TOP1: variants seen among roughly 807,000 people sequenced by gnomAD.
TOP1 encodes DNA topoisomerase 1.
TOP1 carries 10 observed loss-of-function variants against 111.1 expected under a neutral mutation model. The observed-to-expected ratio is 0.09, with a 90% CI of 0.06 to 0.15. The LOEUF (loss-of-function observed/expected upper bound fraction) is 0.15, where lower values mean the gene tolerates loss of function less well. TOP1 is among the 10% of genes least tolerant of loss of function. The probability of loss-of-function intolerance (pLI) is 1.00; values close to 1 mark genes in which losing one functional copy is unlikely to be tolerated. For synonymous variants in TOP1, 271 were observed against 302.9 expected, an observed-to-expected ratio of 0.89 and a Z score of 1.10; for missense variants, 474 against 926.7, an observed-to-expected ratio of 0.51 and a Z score of 6.34.
At chr20:41,084,668 G>C in intron 8 of TOP1, 100 bp downstream of exon 8, 1 of 681,954 alleles carries the variant, frequency 1.5e-6, no homozygotes, top group Non-Finnish European at 2.3e-6. Context: ...GATATTTGGG[G>C]GGAAATACTT....
In TOP1 at chr20:41,076,147, G is replaced by A. The variant is rs375898318; in HGVS notation, c.156-24G>A. On this transcript the variant is annotated intron_variant, in intron 3 of 20. Transcript: ENST00000361337. The stretch of plus-strand genomic sequence containing the variant: ...CTTGTGGTCCCTACTCTGGGCTAAC[G>A]CTTTGTGACTTAACTTTTTACAGTG... The A allele has an allele frequency of 7.8e-4, 1,250 of 1,601,266 alleles. 17 individuals are homozygous for A. The South Asian group carries it at 0.013, about 17-fold the overall frequency.
Position 41,061,638 on chromosome 20 carries a change from G to C in TOP1, c.155+148G>C, listed in dbSNP as rs2033546560. On this transcript the variant is annotated intron_variant, in intron 3 of 20. Coordinates refer to ENST00000361337, the MANE Select transcript of TOP1 (RefSeq NM_003286.4). This position sits in a 1 kb window ranked among gnomAD's most constrained non-coding sequence, Gnocchi z 4.6. ...TTGATCCTAGAGTTGCTATGAGGAT[G>C]GCCATGATTTAGGCCTTAAATGGGA... The C allele has an allele frequency of 2.9e-6, 2 of 687,412 alleles. No individual in the cohort carries two copies. Among genetic ancestry groups the C allele is most frequent in the South Asian group, 4.3e-5 (2 of 46,760 alleles). 42.6% of individuals were successfully genotyped at this position (687,412 alleles called of 1,614,324 possible).
At chr20:41,096,109 CA>C (rs1019193513) in intron 9 of TOP1, among the ~76,000 whole-genome samples, 1 of 152,124 alleles carries the variant, frequency 6.6e-6, no homozygotes, top group African/African-American at 2.4e-5. Flanking sequence ...GTCTGTTGCC[CA>C]GGCTGAAGTG....
rs536343555 is a variant in TOP1 at position 41,083,729 on chromosome 20, A to G, written c.508-733A>G. On this transcript the variant is annotated intron_variant, in intron 7 of 20. Coordinates refer to ENST00000361337, the MANE Select transcript of TOP1 (RefSeq NM_003286.4). This position sits in a 1 kb window ranked among gnomAD's most constrained non-coding sequence, Gnocchi z 7.2. ...GACAAAGGAAAATATTCTTCAAAAG[A>G]GTTCAGATTCTGAGTGGGATCTTCA... Among the ~76,000 whole-genome samples, 2 of 152,326 alleles carry G rather than the reference A, an allele frequency of 1.3e-5. No individual in the cohort carries two copies. The highest frequency in any genetic ancestry group is 3.9e-4 in the East Asian group (2 of 5,190).
chr20:41,060,698 C>T (rs6102261), intron 2 of TOP1, among the ~76,000 whole-genome samples: 3,123 of 152,186 alleles, frequency 0.021, 101 homozygotes, highest in African/African-American at 0.07. Flanking sequence ...CCAAAATTTG[C>T]AGATGTTCAA....
chr20:41,107,177 T>G (rs2034159564), intron 13 of TOP1, among the ~76,000 whole-genome samples: 1 of 152,218 alleles, frequency 6.6e-6, no homozygotes, highest in African/African-American at 2.4e-5. Context: ...ATAGGGAAGA[T>G]TCTGGTTTCA....
chr20:41,057,750 A>T (rs1254962857), intron 2 of TOP1, among the ~76,000 whole-genome samples: 7 of 151,948 alleles, frequency 4.6e-5, no homozygotes, highest in Non-Finnish European at 1.5e-5. Context: ...TTTTAATGTG[A>T]TGTCCTTTCC....
At chr20:41,113,041 G>T (rs989011713) in intron 14 of TOP1, 116 bp downstream of exon 14, 1 of 1,090,444 alleles carries the variant, frequency 9.2e-7, no homozygotes, top group Non-Finnish European at 1.3e-6. Flanking sequence ...ACATATATTT[G>T]TATGTAAAAC....
chr20:41,062,764 T>C (rs183110577), intron 3 of TOP1, among the ~76,000 whole-genome samples: 200 of 152,356 alleles, frequency 1.3e-3, no homozygotes, highest in Middle Eastern at 0.01. Flanking sequence ...TTCATAATTA[T>C]GGTCAGAGAT....
rs552118302 is a variant in TOP1 at position 41,102,015 on chromosome 20, G to A, written c.1308+662G>A. ...TATATCTAGCTTTGGAGAGTCCCACGAACTTCTTCCCTCCAACATACTATG... is the reference window on the plus strand; with the variant it reads ...TATATCTAGCTTTGGAGAGTCCCACAAACTTCTTCCCTCCAACATACTATG... On this transcript the variant is annotated intron_variant, in intron 13 of 20. Transcript: ENST00000361337. The surrounding 1 kb of genome is among the most constrained non-coding windows in gnomAD (Gnocchi z 4.0). Among the ~76,000 whole-genome samples, 3 of 152,284 alleles carry A rather than the reference G, an allele frequency of 2.0e-5. No homozygotes were observed. The highest frequency in any genetic ancestry group is 2.1e-4 in the South Asian group (1 of 4,832).
chr20:41,123,168 C>CATTA lies in TOP1; in HGVS notation c.2196-27_2196-26insATTA, dbSNP rs1568711082. 1 of 1,538,178 alleles carries CATTA rather than the reference C, an allele frequency of 6.5e-7. No homozygotes were observed. Among genetic ancestry groups the CATTA allele is most frequent in the Admixed American group, 1.7e-5 (1 of 59,698 alleles). On this transcript the variant is annotated intron_variant, in intron 20 of 20. Coordinates refer to ENST00000361337, the MANE Select transcript of TOP1 (RefSeq NM_003286.4). This position sits in a 1 kb window ranked among gnomAD's most constrained non-coding sequence, Gnocchi z 5.8. ...GGGCCATTGCTGAGTCACCCTAATC[C>CATTA]CCCCCTTATTTCTCCTTTGTTTGCA...
chr20:41,029,304 CTG>C lies in TOP1; in HGVS notation c.34-124_34-123del. On this transcript the variant is annotated intron_variant, in intron 1 of 20. Coordinates refer to ENST00000361337, the MANE Select transcript of TOP1 (RefSeq NM_003286.4). This position sits in a 1 kb window ranked among gnomAD's most constrained non-coding sequence, Gnocchi z 6.1. ...AGTTCGAGGCAGGGATGGCTGCCCT[CTG>C]TGGCCACCCCCGGGTCCCCGTCCTC... 1.1e-6 allele frequency: 1 copy of C among 898,758 alleles called. No individual in the cohort carries two copies. Among genetic ancestry groups the C allele is most frequent in the Non-Finnish European group, 1.6e-6 (1 of 625,674 alleles). The allele number at this position is 898,758 out of a possible 1,614,324, so 55.7% of individuals were successfully genotyped here. A position where few individuals can be genotyped will look rare whatever the true frequency, so the allele number is the denominator to read the frequency against.
rs1243743729 is a variant in TOP1, at chr20:41,110,803, GATAGT to G, written c.1309-1978_1309-1974del. On this transcript the variant is annotated intron_variant, in intron 13 of 20. Transcript: ENST00000361337. The surrounding 1 kb of genome is among the most constrained non-coding windows in gnomAD (Gnocchi z 4.2). ...AGACCTTGCCTGGAAGACCTAGGTG[GATAGT>G]TTATTTTCTAAAAGTAGTCAAGAAA... 6.6e-6 allele frequency among the ~76,000 whole-genome samples: 1 copy of G among 152,188 alleles called. No homozygotes were observed. The highest frequency in any genetic ancestry group is 2.4e-5 in the African/African-American group (1 of 41,442).
rs541449566 is a variant in TOP1, at chr20:41,089,178, C to G, written c.615-3294C>G. 2.4e-4 allele frequency among the ~76,000 whole-genome samples: 36 copies of G among 152,158 alleles called. 1 individual carries two copies. The South Asian group carries it at 6.6e-3, about 28-fold the overall frequency. On this transcript the variant is annotated intron_variant, in intron 8 of 20. Coordinates refer to ENST00000361337, the MANE Select transcript of TOP1 (RefSeq NM_003286.4). The stretch of plus-strand genomic sequence containing the variant: ...TAGCTGGGATTACAGGCTCCCACCA[C>G]CATTCCCGGCTAATTTTTTATATTT...
chr20:41,089,436 C>A (rs2033891701), intron 8 of TOP1, among the ~76,000 whole-genome samples: 4 of 152,184 alleles, frequency 2.6e-5, no homozygotes, highest in Admixed American at 2.6e-4. Context: ...GTGACTGACT[C>A]ATTTCACTTA....
chr20:41,077,680 A>G, intron 5 of TOP1, 43 bp downstream of exon 5: 3 of 1,573,526 alleles, frequency 1.9e-6, no homozygotes, highest in Non-Finnish European at 2.6e-6. Flanking sequence ...CTCTGGGTGG[A>G]CAGCAGGCCA....
At position 41,102,903 on chromosome 20, in the gene TOP1, T is replaced by C. The variant is rs2034086466; in HGVS notation, c.1308+1550T>C. ...AACAGAGGAGTTATTTGCAGCACCT[T>C]AGAGATCAACAATAACTTTATGAAG... On this transcript the variant is annotated intron_variant, in intron 13 of 20. Coordinates refer to ENST00000361337, the MANE Select transcript of TOP1 (RefSeq NM_003286.4). This position sits in a 1 kb window ranked among gnomAD's most constrained non-coding sequence, Gnocchi z 4.0. Among the ~76,000 whole-genome samples the C allele has an allele frequency of 6.6e-6, 1 of 152,214 alleles. No homozygotes were observed. Among genetic ancestry groups the C allele is most frequent in the Non-Finnish European group, 1.5e-5 (1 of 68,042 alleles).
chr20:41,114,159 A>G lies in TOP1; in HGVS notation c.1638+4A>G. On this transcript the variant is annotated splice_donor_region_variant and intron_variant, in intron 15 of 20. Transcript: ENST00000361337. This position sits in a 1 kb window ranked among gnomAD's most constrained non-coding sequence, Gnocchi z 4.5. Reference sequence around the variant, plus strand: ...CAAGGTCCCTGTTGAGAAACGAGTAAGTTAATGTACCTGTACTGTCTGACT... The same window carrying G: ...CAAGGTCCCTGTTGAGAAACGAGTAGGTTAATGTACCTGTACTGTCTGACT... The G allele has an allele frequency of 1.2e-6, 2 of 1,610,980 alleles. No homozygotes were observed. The highest frequency in any genetic ancestry group is 1.7e-6 in the Non-Finnish European group (2 of 1,178,140).
At position 41,116,953 on chromosome 20, in the gene TOP1, A is replaced by C. The variant is rs947898532; in HGVS notation, c.1822+561A>C. Among the ~76,000 whole-genome samples the C allele has an allele frequency of 3.9e-5, 6 of 152,196 alleles. No individual in the cohort carries two copies. The highest frequency in any genetic ancestry group is 5.9e-5 in the Non-Finnish European group (4 of 68,046). On this transcript the variant is annotated intron_variant, in intron 17 of 20. Transcript: ENST00000361337. The surrounding 1 kb of genome is among the most constrained non-coding windows in gnomAD (Gnocchi z 5.6). ...TTAGAATATGAACCAGAAAAGCCAG[A>C]GGTAGGTATGTTGAGGGTCAGTATT...
Sources: allele counts gnomAD v4.1 joint callset (sites outside exome capture counted in the v4.1 genomes callset), GRCh38; gene constraint gnomAD v4.1.1; non-coding constraint Gnocchi (gnomAD v3.1); transcripts MANE v1.5; gene names NCBI Gene and HGNC (gene_info 2026-07-23, HGNC 2026-07-21).